The following ASTN2 variants were observed in gnomAD, a reference collection of about 807,000 sequenced individuals.
The protein encoded by ASTN2 is astrotactin-2.
In ASTN2, 54 loss-of-function variants were observed where a neutral mutation model predicts 139.8. The ratio of observed to expected loss-of-function variants is 0.39; its 90% CI spans 0.31 to 0.48. The LOEUF (loss-of-function observed/expected upper bound fraction) is 0.48, where lower values mean the gene tolerates loss of function less well. ASTN2 is among the 20% of genes least tolerant of loss of function. The pLI, the probability that ASTN2 is intolerant of heterozygous loss-of-function variation, is 0.95. For missense variants in ASTN2, 1,565 were observed against 1,725.1 expected, an observed-to-expected ratio of 0.91 and a Z score of 1.64; for synonymous variants, 756 against 719.5, an observed-to-expected ratio of 1.05 and a Z score of -0.81.
chr9:116,671,441 G>A (rs891987325), intron 16 of ASTN2, among the ~76,000 whole-genome samples: 1 of 151,764 alleles, frequency 6.6e-6, no homozygotes, highest in Non-Finnish European at 1.5e-5. Context: ...GCAAAAAGTA[G>A]AACTAAGTAG....
intron 1 of ASTN2, among the ~76,000 whole-genome samples, chr9:117,325,696 C>CA (rs1295125211): frequency 6.6e-6 from 1 of 152,096 alleles, no homozygotes; most frequent in Non-Finnish European, 1.5e-5. Context: ...AAGATAATGC[C>CA]ACTTTCCCTC....
At chr9:116,716,127 T>C (rs1205605751) in intron 16 of ASTN2, among the ~76,000 whole-genome samples, 1 of 152,162 alleles carries the variant, frequency 6.6e-6, no homozygotes, top group Non-Finnish European at 1.5e-5. Context: ...CCTCAGGCCC[T>C]GCATCTCTGT....
intron 11 of ASTN2, among the ~76,000 whole-genome samples, chr9:116,825,115 A>G (rs1484464352): frequency 6.6e-6 from 1 of 152,176 alleles, no homozygotes; most frequent in African/African-American, 2.4e-5. Flanking sequence ...CCTTGAAACT[A>G]TTTGGGACTG....
intron 11 of ASTN2, among the ~76,000 whole-genome samples, chr9:116,831,736 T>C (rs1831820317): frequency 6.6e-6 from 1 of 152,142 alleles, no homozygotes; most frequent in South Asian, 2.1e-4. Flanking sequence ...TCAAAAGAAG[T>C]TTTGGCCATT....
intron 10 of ASTN2, among the ~76,000 whole-genome samples, chr9:116,966,996 A>C (rs1836029083): frequency 6.6e-6 from 1 of 152,206 alleles, no homozygotes; most frequent in Admixed American, 6.5e-5. Context: ...ATTCGGCCAC[A>C]TACTACCCAT....
chr9:117,345,890 A>C (rs1488438424), intron 1 of ASTN2, among the ~76,000 whole-genome samples: 2 of 151,740 alleles, frequency 1.3e-5, no homozygotes, highest in Non-Finnish European at 2.9e-5. Flanking sequence ...TTCTTATTAG[A>C]CCTACTTACT....
At chr9:116,749,371 A>G (rs868376827) in intron 13 of ASTN2, among the ~76,000 whole-genome samples, 3 of 152,166 alleles carry the variant, frequency 2.0e-5, no homozygotes, top group Admixed American at 6.5e-5. Flanking sequence ...TCCAAGCCAC[A>G]TGAGAGAGCT....
chr9:116,894,501 A>T (rs1833837097), intron 10 of ASTN2, among the ~76,000 whole-genome samples: 1 of 152,136 alleles, frequency 6.6e-6, no homozygotes, highest in Non-Finnish European at 1.5e-5. Context: ...TTGTTTATTT[A>T]GTTATTGAGA....
chr9:117,387,634 A>G (rs1293598698), intron 1 of ASTN2, among the ~76,000 whole-genome samples: 1 of 152,218 alleles, frequency 6.6e-6, no homozygotes, highest in East Asian at 1.9e-4. Context: ...GCAAAGAATC[A>G]CAGGGAGAAT....
intron 19 of ASTN2, among the ~76,000 whole-genome samples, chr9:116,594,417 T>C (rs1361190122): frequency 2.0e-5 from 3 of 152,190 alleles, no homozygotes; most frequent in Non-Finnish European, 2.9e-5. Context: ...TCAATAATTG[T>C]TTGTCAGCTA....
chr9:117,006,730 C>T (rs1407681281), intron 7 of ASTN2, among the ~76,000 whole-genome samples: 1 of 152,126 alleles, frequency 6.6e-6, no homozygotes, highest in Non-Finnish European at 1.5e-5. Flanking sequence ...GCCCTGAGGA[C>T]CACCATGCCC....
At chr9:116,490,790 G>A (rs765302782) in intron 19 of ASTN2, among the ~76,000 whole-genome samples, 95 of 152,250 alleles carry the variant, frequency 6.2e-4, no homozygotes, top group Admixed American at 1.3e-3. Context: ...CTCCCTCGAG[G>A]TCCCTCCCAG....
intron 6 of ASTN2, among the ~76,000 whole-genome samples, chr9:117,014,437 C>T (rs533785647): frequency 5.9e-5 from 9 of 152,194 alleles, no homozygotes; most frequent in East Asian, 1.9e-4. Context: ...GGAACATTAT[C>T]GTGGGGGTGG....
chr9:117,278,865 C>T (rs977417136), intron 2 of ASTN2, among the ~76,000 whole-genome samples: 1 of 152,212 alleles, frequency 6.6e-6, no homozygotes, highest in Non-Finnish European at 1.5e-5. Flanking sequence ...GAGCAAGGGG[C>T]CTTCTGCTGG....
At chr9:117,355,161 A>C (rs1356768296) in intron 1 of ASTN2, among the ~76,000 whole-genome samples, 3 of 152,156 alleles carry the variant, frequency 2.0e-5, no homozygotes, top group Non-Finnish European at 4.4e-5. Context: ...TATATCCAAG[A>C]TCTAAGAGAG....
chr9:117,132,460 C>T (rs1587999006), intron 4 of ASTN2, among the ~76,000 whole-genome samples: 1 of 152,174 alleles, frequency 6.6e-6, no homozygotes, highest in Non-Finnish European at 1.5e-5. Flanking sequence ...TAGGCCCCAC[C>T]AGGATCTGGT....
At chr9:117,330,760 T>A (rs1828681956) in intron 1 of ASTN2, among the ~76,000 whole-genome samples, 1 of 152,198 alleles carries the variant, frequency 6.6e-6, no homozygotes. Flanking sequence ...CCCACCTTTC[T>A]TTGTAGCTAG....
chr9:117,087,746 C>G (rs1469559106), intron 5 of ASTN2, among the ~76,000 whole-genome samples: 1 of 152,184 alleles, frequency 6.6e-6, no homozygotes, highest in Non-Finnish European at 1.5e-5. Flanking sequence ...CTACACTTAT[C>G]CTCCTTTACC....
chr9:116,518,466 T>A (rs182969192), intron 19 of ASTN2, among the ~76,000 whole-genome samples: 1 of 152,190 alleles, frequency 6.6e-6, no homozygotes, highest in East Asian at 1.9e-4. Context: ...GCTGACAGAA[T>A]TCACCATTAC....
Sources: gnomAD v4.1 joint callset for allele counts (sites outside exome capture counted in the v4.1 genomes callset) on GRCh38, gnomAD v4.1.1 for gene constraint, MANE v1.5 for transcripts, NCBI Gene and HGNC (gene_info 2026-07-23, HGNC 2026-07-21) for gene names.